DEPDC5: variants seen among roughly 807,000 people sequenced by gnomAD.
The protein encoded by DEPDC5 is DEP domain containing 5, GATOR1 subcomplex subunit, also known as GATOR1 complex protein DEPDC5.
In DEPDC5, 73 loss-of-function variants were observed where a neutral mutation model predicts 217.3. The ratio of observed to expected loss-of-function variants is 0.34; its 90% CI spans 0.28 to 0.41. The LOEUF is 0.41. DEPDC5 is among the 10% of genes least tolerant of loss of function. DEPDC5 has a pLI of 1.00. For synonymous variants in DEPDC5, 733 were observed against 756.7 expected, an observed-to-expected ratio of 0.97 and a Z score of 0.51; for missense variants, 1,675 against 2,070.1, an observed-to-expected ratio of 0.81 and a Z score of 3.70.
At chr22:31,888,066 A>G (rs1569208933) in intron 38 of DEPDC5, among the ~76,000 whole-genome samples, 1 of 152,024 alleles carries the variant, frequency 6.6e-6, no homozygotes, top group Non-Finnish European at 1.5e-5. Context: ...AATGCCTGAC[A>G]TTGACACATG....
At chr22:31,841,008 A>G (rs1045613857) in intron 27 of DEPDC5, among the ~76,000 whole-genome samples, 1 of 152,276 alleles carries the variant, frequency 6.6e-6, no homozygotes, top group Non-Finnish European at 1.5e-5. Flanking sequence ...TGGGGGTGTC[A>G]GGTACGATGT....
intron 33 of DEPDC5, among the ~76,000 whole-genome samples, chr22:31,864,162 A>C (rs1462883646): frequency 6.7e-6 from 1 of 150,130 alleles, no homozygotes. Flanking sequence ...AGGCTGGAGT[A>C]CAATGGCGCA....
At position 31,815,202 on chromosome 22, in the gene DEPDC5, C is replaced by T. The variant is rs2088928667; in HGVS notation, c.1656C>T (p.Thr552=). Residue 552 remains threonine, a synonymous_variant, in exon 21 of 43, where the codon ACC becomes ACT. Transcript: ENST00000651528. ...AAGTCAGCAGCTCCTTGGGATACAC[C>T]AGCACTCGAGGTAAGAGTGCTGAAG... The part of the protein sequence containing the change: ...QYEVSSSLGY[T]STRDVLENMM... The T allele has an allele frequency of 6.2e-7, 1 of 1,614,138 alleles. No homozygotes were observed. The highest frequency in any genetic ancestry group is 2.2e-5 in the East Asian group (1 of 44,878).
chr22:31,827,786 C>T (rs1467544299), intron 24 of DEPDC5, among the ~76,000 whole-genome samples: 1 of 152,216 alleles, frequency 6.6e-6, no homozygotes, highest in Admixed American at 6.5e-5. Context: ...TTGTTCGCCC[C>T]TCTGCTGTGC....
chr22:31,887,854 G>C (rs981032746), intron 38 of DEPDC5, among the ~76,000 whole-genome samples: 3 of 152,110 alleles, frequency 2.0e-5, no homozygotes, highest in Non-Finnish European at 4.4e-5. Flanking sequence ...ATTTACTCAA[G>C]TGGGGAAGAT....
intron 18 of DEPDC5, among the ~76,000 whole-genome samples, chr22:31,806,607 A>G (rs778889905): frequency 1.3e-5 from 2 of 152,196 alleles, no homozygotes; most frequent in African/African-American, 2.4e-5. Flanking sequence ...TGTTTTATTC[A>G]GATGTTGAAG....
Position 31,804,235 on chromosome 22 carries a change from T to A in DEPDC5, c.1143+12T>A, listed in dbSNP as rs1405782556. 1 of 1,614,078 alleles carries A rather than the reference T, an allele frequency of 6.2e-7. No individual in the cohort carries two copies. Among genetic ancestry groups the A allele is most frequent in the Admixed American group, 1.7e-5 (1 of 60,020 alleles). The stretch of plus-strand genomic sequence containing the variant: ...TCCCATTGTTCAAGGTAATTAGATT[T>A]CGGATTTGTTTACTAAAGGCCAGTT... On this transcript the variant is annotated intron_variant, in intron 16 of 42. Transcript: ENST00000651528.
intron 31 of DEPDC5, chr22:31,853,326 C>G (rs911812354): frequency 2.0e-5 from 3 of 152,130 alleles, no homozygotes; most frequent in African/African-American, 7.2e-5. Flanking sequence ...GGGTGAGATT[C>G]TCAGCCAACC....
intron 31 of DEPDC5, among the ~76,000 whole-genome samples, chr22:31,854,678 A>G (rs1302863028): frequency 6.6e-6 from 1 of 152,214 alleles, no homozygotes; most frequent in African/African-American, 2.4e-5. Context: ...AGTGCACGGT[A>G]CCACTTAGGA....
chr22:31,794,107 A>C (rs1285057181), intron 12 of DEPDC5, among the ~76,000 whole-genome samples: 1 of 152,050 alleles, frequency 6.6e-6, no homozygotes, highest in African/African-American at 2.4e-5. Flanking sequence ...TGGACCTGAC[A>C]CAGTCAATCT....
At chr22:31,842,350 T>C (rs113541337) in intron 27 of DEPDC5, among the ~76,000 whole-genome samples, 6,845 of 150,948 alleles carry the variant, frequency 0.045, 209 homozygotes, top group Non-Finnish European at 0.05. Flanking sequence ...CCGAGGCGAG[T>C]GGATCATCTG....
chr22:31,897,869 T>A (rs1461244268), intron 40 of DEPDC5, among the ~76,000 whole-genome samples: 1 of 152,150 alleles, frequency 6.6e-6, no homozygotes, highest in South Asian at 2.1e-4. Flanking sequence ...CTCGAATTCC[T>A]TATTCCTAAA....
chr22:31,819,625 G>C (rs553058405), intron 22 of DEPDC5, among the ~76,000 whole-genome samples: 4 of 151,736 alleles, frequency 2.6e-5, no homozygotes, highest in South Asian at 2.1e-4. Flanking sequence ...CGTGCCACCA[G>C]GCCTGGCTAG....
At position 31,792,100 on chromosome 22, in the gene DEPDC5, T is replaced by C. The variant is rs2148505288; in HGVS notation, c.692T>C (p.Val231Ala). Residue 231 changes from valine to alanine, a missense_variant and splice_region_variant, in exon 11 of 43, where the codon GTT (valine) becomes GCT (alanine). Coordinates refer to ENST00000651528, the MANE Select transcript of DEPDC5 (RefSeq NM_001242896.3). ...FSRTFYDAKS[V>A]DEFPEINRAS... ...AGAACTTTCTATGATGCAAAATCTGTTGGTGAGTAACTATTTCTCTCCTAC... is the reference window on the plus strand; with the variant it reads ...AGAACTTTCTATGATGCAAAATCTGCTGGTGAGTAACTATTTCTCTCCTAC... 3 of 1,606,268 alleles carry C rather than the reference T, an allele frequency of 1.9e-6. No homozygotes were observed. Among genetic ancestry groups the C allele is most frequent in the Non-Finnish European group, 2.6e-6 (3 of 1,173,716 alleles).
intron 30 of DEPDC5, 71 bp downstream of exon 30, chr22:31,845,308 G>A (rs1401742066): frequency 2.0e-6 from 3 of 1,532,784 alleles, no homozygotes; most frequent in East Asian, 2.4e-5. Flanking sequence ...TCTATTAGGG[G>A]CCTCTCATCA....
chr22:31,809,824 C>CA (rs376013070), intron 19 of DEPDC5, among the ~76,000 whole-genome samples, 177 bp downstream of exon 19: 43 of 151,880 alleles, frequency 2.8e-4, no homozygotes, highest in African/African-American at 9.2e-4. Flanking sequence ...TACAAAAATA[C>CA]AAAAAAAATT....
intron 33 of DEPDC5, among the ~76,000 whole-genome samples, chr22:31,863,198 C>T (rs1418225914): frequency 6.6e-6 from 1 of 152,000 alleles, no homozygotes; most frequent in African/African-American, 2.4e-5. Context: ...CAGAGTTTCA[C>T]TCTAGCTGCC....
rs936574429 is a variant in DEPDC5, at chr22:31,902,438, T to A, written c.4436+636T>A. Among the ~76,000 whole-genome samples, 269 of 85,364 alleles carry A rather than the reference T, an allele frequency of 3.2e-3. 1 individual carries two copies. The highest frequency in any genetic ancestry group is 0.01 in the African/African-American group (235 of 23,350). The allele number at this position is 85,364 out of a possible 152,430, so 56.0% of individuals were successfully genotyped here. A position where few individuals can be genotyped will look rare whatever the true frequency, so the allele number is the denominator to read the frequency against. On this transcript the variant is annotated intron_variant, in intron 41 of 42. Transcript: ENST00000651528. ...TATATATATATATATATATATATACTTATATATACTCATACAACCACAGGA... is the reference window on the plus strand; with the variant it reads ...TATATATATATATATATATATATACATATATATACTCATACAACCACAGGA...
At chr22:31,898,895 C>A (rs1006632709) in intron 40 of DEPDC5, among the ~76,000 whole-genome samples, 1 of 152,228 alleles carries the variant, frequency 6.6e-6, no homozygotes, top group South Asian at 2.1e-4. Flanking sequence ...TTTAACCTCA[C>A]AGTGATGTGG....
Sources: gnomAD v4.1 joint callset for allele counts (sites outside exome capture counted in the v4.1 genomes callset) on GRCh38, gnomAD v4.1.1 for gene constraint, MANE v1.5 for transcripts, NCBI Gene and HGNC (gene_info 2026-07-23, HGNC 2026-07-21) for gene names.